Variants in EFCAB6 observed in about 807,000 individuals in gnomAD.
The protein encoded by EFCAB6 is EF-hand calcium-binding domain-containing protein 6.
Under a neutral mutation model 169.8 loss-of-function variants are expected in EFCAB6, and 156 were observed. That is an observed-to-expected ratio of 0.92 (90% CI 0.81 to 1.05). The LOEUF is 1.05. Ranked by LOEUF, EFCAB6 falls within the 50% of genes least tolerant of loss-of-function variation. The probability of loss-of-function intolerance (pLI) is 0.00; values close to 1 mark genes in which losing one functional copy is unlikely to be tolerated. For missense variants in EFCAB6, 1,800 were observed against 1,829.1 expected (o/e 0.98, Z 0.29); for synonymous variants, 698 against 676.4 (o/e 1.03, Z -0.50).
intron 6 of EFCAB6, among the ~76,000 whole-genome samples, chr22:43,738,527 ATAT>A (rs1218470652): frequency 6.6e-6 from 1 of 151,690 alleles, no homozygotes; most frequent in Non-Finnish European, 1.5e-5. Context: ...TCTCACACAT[ATAT>A]TCACACACAC....
chr22:43,586,156 A>C (rs1014332169), intron 24 of EFCAB6, among the ~76,000 whole-genome samples: 3 of 152,066 alleles, frequency 2.0e-5, no homozygotes, highest in Non-Finnish European at 4.4e-5. Flanking sequence ...AATAACAACC[A>C]TGTGTTGGGT....
intron 17 of EFCAB6, among the ~76,000 whole-genome samples, chr22:43,656,392 A>C (rs1236168757): frequency 7.3e-6 from 1 of 137,800 alleles, no homozygotes; most frequent in African/African-American, 2.9e-5. Context: ...AACGCCATCT[A>C]AAAAAAAAAA....
chr22:43,608,810 AG>A (rs1189309115), intron 21 of EFCAB6, among the ~76,000 whole-genome samples: 1 of 152,140 alleles, frequency 6.6e-6, no homozygotes, highest in Non-Finnish European at 1.5e-5. Flanking sequence ...AGGGGTCGGA[AG>A]GGGGTGGTTT....
chr22:43,664,271 T>C (rs1246484886), intron 17 of EFCAB6, among the ~76,000 whole-genome samples: 1 of 152,206 alleles, frequency 6.6e-6, no homozygotes, highest in Non-Finnish European at 1.5e-5. Flanking sequence ...GTGGCATTCA[T>C]TTAGGGCTGC....
intron 7 of EFCAB6, among the ~76,000 whole-genome samples, chr22:43,733,846 C>G (rs1203604731): frequency 6.6e-6 from 1 of 152,066 alleles, no homozygotes; most frequent in Non-Finnish European, 1.5e-5. Flanking sequence ...GTAGCTGGGA[C>G]TACAGGTGTG....
At chr22:43,604,375 G>C (rs1157355061) in intron 22 of EFCAB6, among the ~76,000 whole-genome samples, 2 of 152,082 alleles carry the variant, frequency 1.3e-5, no homozygotes, top group Non-Finnish European at 2.9e-5. Context: ...CAGTAAAAAG[G>C]GGGCTAGCCT....
chr22:43,570,302 G>A (rs149478417), intron 26 of EFCAB6, among the ~76,000 whole-genome samples: 49 of 152,106 alleles, frequency 3.2e-4, no homozygotes, highest in Middle Eastern at 3.4e-3. Context: ...TTATTTCCAT[G>A]GTAATAAAGT....
At chr22:43,617,218 T>G (rs562932268) in intron 20 of EFCAB6, among the ~76,000 whole-genome samples, 8 of 152,342 alleles carry the variant, frequency 5.3e-5, no homozygotes, top group Non-Finnish European at 1.2e-4. Context: ...TTTTACAATT[T>G]TTGCTTAAAA....
intron 19 of EFCAB6, among the ~76,000 whole-genome samples, chr22:43,631,543 C>T (rs2054943185): frequency 6.6e-6 from 1 of 152,024 alleles, no homozygotes; most frequent in South Asian, 2.1e-4. Context: ...GTGTGGGGGC[C>T]ACCTCCTCCA....
chr22:43,641,442 C>A (rs1446466334), intron 17 of EFCAB6, among the ~76,000 whole-genome samples: 1 of 151,944 alleles, frequency 6.6e-6, no homozygotes, highest in Non-Finnish European at 1.5e-5. Flanking sequence ...ATGGTGAAAC[C>A]CTGTCTCTAC....
chr22:43,708,089 TAAAAAAAAAAA>T (rs137824), intron 10 of EFCAB6, among the ~76,000 whole-genome samples: 6 of 115,556 alleles, frequency 5.2e-5, no homozygotes, highest in Non-Finnish European at 9.1e-5. Context: ...TAAAGAAAAC[TAAAAAAAAAAA>T]AAAAAAAAAG....
At chr22:43,705,588 C>T (rs1351836089) in intron 10 of EFCAB6, among the ~76,000 whole-genome samples, 2 of 151,862 alleles carry the variant, frequency 1.3e-5, no homozygotes, top group Non-Finnish European at 2.9e-5. Flanking sequence ...AGAAAAATCA[C>T]AAATACATGG....
In EFCAB6 at chr22:43,632,191, G is replaced by T. The variant is rs755595676; in HGVS notation, c.2146C>A (p.Pro716Thr). Residue 716 changes from proline to threonine, a missense_variant, in exon 19 of 32, where the codon CCT becomes ACT. By Grantham distance (38) the Pro-to-Thr change is conservative. Transcript: ENST00000262726. ...TGGCTGTTCACGTAACTTTTTGAAG[G>T]AGTTGGAGGCTGCGGCGGAGTGGTT... ...PETTPPQPPTPSKSYVNSHFI... is the reference protein window; with the variant it reads ...PETTPPQPPTTSKSYVNSHFI... 1 of 1,614,164 alleles carries T rather than the reference G, an allele frequency of 6.2e-7. No individual in the cohort carries two copies. The highest frequency in any genetic ancestry group is 1.3e-5 in the African/African-American group (1 of 75,054).
chr22:43,730,570 A>T (rs771332784), intron 8 of EFCAB6, among the ~76,000 whole-genome samples: 2 of 152,094 alleles, frequency 1.3e-5, no homozygotes, highest in Non-Finnish European at 2.9e-5. Context: ...AGAGAACAGC[A>T]TCTATATAAA....
chr22:43,751,909 C>T (rs973905103), intron 6 of EFCAB6, among the ~76,000 whole-genome samples: 3 of 152,134 alleles, frequency 2.0e-5, no homozygotes, highest in Non-Finnish European at 2.9e-5. Context: ...GAATTAAATG[C>T]CTTAATGCGA....
chr22:43,767,577 A>G (rs144592876), intron 4 of EFCAB6, among the ~76,000 whole-genome samples: 2 of 152,284 alleles, frequency 1.3e-5, no homozygotes, highest in Non-Finnish European at 2.9e-5. Flanking sequence ...GAGTAGCCCT[A>G]AAACCACCCT....
rs189417125 is a variant in EFCAB6, at chr22:43,575,219, C to G, written c.3420+1078G>C. On this transcript the variant is annotated intron_variant, in intron 26 of 31. Coordinates refer to ENST00000262726, the MANE Select transcript of EFCAB6 (RefSeq NM_022785.4). ...TTGTTTGTTTGTTTTGAGACAGAGT[C>G]TTGCTCTGTCACCCAGGCTGGAGTG... 2.9e-3 allele frequency among the ~76,000 whole-genome samples: 438 copies of G among 152,168 alleles called. 2 individuals carry two copies. Among genetic ancestry groups the G allele is most frequent in the Non-Finnish European group, 4.5e-3 (307 of 68,010 alleles).
chr22:43,540,348 G>A lies in EFCAB6; in HGVS notation c.3658C>T (p.Leu1220Phe), dbSNP rs1569126435. The change falls in exon 28 of 32, where the codon CTC (leucine) becomes TTC (phenylalanine). Residue 1220 changes from leucine (L) to phenylalanine (F), a missense_variant. Coordinates refer to ENST00000262726, the MANE Select transcript of EFCAB6 (RefSeq NM_022785.4). ...GCATTGACTGGCATCTCGTTCCAGA[G>A]TCTGTCAAACTGGAGAAGGAGCAGA... ...QILTDEQFDR[L>F]WNEMPVNAKG... is the part of the protein sequence containing the mutation. 1 of 1,614,150 alleles carries A rather than the reference G, an allele frequency of 6.2e-7. No homozygotes were observed. The highest frequency in any genetic ancestry group is 1.1e-5 in the South Asian group (1 of 91,086).
At chr22:43,653,339 A>G (rs943755896) in intron 17 of EFCAB6, among the ~76,000 whole-genome samples, 2 of 151,286 alleles carry the variant, frequency 1.3e-5, no homozygotes, top group African/African-American at 2.5e-5. Flanking sequence ...AAAAAGACAC[A>G]TTATACCCAA....
Sources: gnomAD v4.1 joint callset for allele counts (sites outside exome capture counted in the v4.1 genomes callset) on GRCh38, gnomAD v4.1.1 for gene constraint, MANE v1.5 for transcripts, NCBI Gene and HGNC (gene_info 2026-07-23, HGNC 2026-07-21) for gene names.